The following MTFR1 variants were observed in gnomAD, a reference collection of about 807,000 sequenced individuals.
The protein encoded by MTFR1 is chondrocyte protein with a poly-proline region.
MTFR1 carries 28 observed loss-of-function variants against 38.8 expected under a neutral mutation model. The ratio of observed to expected loss-of-function variants is 0.72; its 90% CI spans 0.53 to 0.99. MTFR1 has a LOEUF of 0.99. MTFR1 is among the 50% of genes least tolerant of loss of function. MTFR1 has a pLI of 0.00. For missense variants in MTFR1, 358 were observed against 395.5 expected, an observed-to-expected ratio of 0.91 and a Z score of 0.81; for synonymous variants, 145 against 137.0, an observed-to-expected ratio of 1.06 and a Z score of -0.41.
chr8:65,723,532 T>C lies in MTFR1; in HGVS notation c.*48+4051T>C, dbSNP rs183802335. On this transcript the variant is annotated intron_variant, in intron 3 of 3. Coordinates refer to the MTFR1 transcript ENST00000521247. ...TTCTAACCAGCTATATCTAAATATGTATAGTTACCAATCTGGATGTTGGCA... is the reference window on the plus strand; with the variant it reads ...TTCTAACCAGCTATATCTAAATATGCATAGTTACCAATCTGGATGTTGGCA... 2.2e-5 allele frequency: 34 copies of C among 1,548,864 alleles called. No individual in the cohort carries two copies. The African/African-American group carries it at 4.3e-4, about 19-fold the overall frequency.
intron 4 of MTFR1, among the ~76,000 whole-genome samples, chr8:65,703,651 T>C (rs996139791): frequency 8.6e-5 from 13 of 152,004 alleles, no homozygotes; most frequent in African/African-American, 3.1e-4. Flanking sequence ...CCCAGGCTGG[T>C]CTTTAACTCC....
chr8:65,737,134 T>A (rs1433192267), intron 3 of MTFR1, among the ~76,000 whole-genome samples: 1 of 151,974 alleles, frequency 6.6e-6, no homozygotes. Context: ...TAAAAACACC[T>A]GAGTTATTAT....
chr8:65,689,246 A>T (rs890437478), intron 3 of MTFR1, among the ~76,000 whole-genome samples: 1 of 152,214 alleles, frequency 6.6e-6, no homozygotes, highest in Non-Finnish European at 1.5e-5. Context: ...CTTTGCAGAG[A>T]ATCCTAGTTC....
intron 7 of MTFR1, chr8:65,708,310 G>A (rs1401769103): frequency 2.2e-6 from 1 of 450,384 alleles, no homozygotes; most frequent in African/African-American, 2.0e-5. Flanking sequence ...TCACTACTAA[G>A]TAATCTCCAA....
At chr8:65,771,884 CAA>C (rs36101490), downstream of MTFR1, among the ~76,000 whole-genome samples, 4 of 55,832 alleles carry the variant, frequency 7.2e-5, no homozygotes, top group Non-Finnish European at 1.1e-4. Context: ...CTCCATCTCT[CAA>C]AAAAAAAAAA....
chr8:65,693,864 T>C (rs1805355736), intron 4 of MTFR1, 105 bp downstream of exon 4: 7 of 796,702 alleles, frequency 8.8e-6, no homozygotes, highest in Non-Finnish European at 1.5e-5. Flanking sequence ...TCTCTAGTAA[T>C]GCACCCTCTT....
At chr8:65,649,500 T>C (rs757831663) in intron 1 of MTFR1, among the ~76,000 whole-genome samples, 38 of 152,036 alleles carry the variant, frequency 2.5e-4, no homozygotes, top group Non-Finnish European at 4.3e-4. Context: ...ATCTTTATTT[T>C]TATTTTTGTG....
At chr8:65,770,798 A>C (rs1809045572) in intron 3 of MTFR1, 1 of 156,494 alleles carries the variant, frequency 6.4e-6, no homozygotes, top group African/African-American at 2.4e-5. Context: ...TAACAATTTG[A>C]ACTTCTTCCA....
intron 3 of MTFR1, chr8:65,734,719 CAGG>C (rs1278175808): frequency 8.5e-6 from 7 of 821,584 alleles, no homozygotes; most frequent in Non-Finnish European, 1.5e-5. Context: ...GCAGTAACTT[CAGG>C]AGAAGTATGT....
At chr8:65,762,067 T>C (rs1808525457) in intron 3 of MTFR1, among the ~76,000 whole-genome samples, 1 of 152,312 alleles carries the variant, frequency 6.6e-6, no homozygotes, top group Admixed American at 6.5e-5. Context: ...TTAACAATCA[T>C]GAAGATACTA....
chr8:65,690,837 C>T (rs60448269), intron 3 of MTFR1, among the ~76,000 whole-genome samples: 4 of 152,292 alleles, frequency 2.6e-5, no homozygotes, highest in African/African-American at 9.6e-5. Flanking sequence ...TTATACAAAA[C>T]AGCCCATTAA....
chr8:65,667,902 C>G (rs1013484823), intron 1 of MTFR1, among the ~76,000 whole-genome samples: 1 of 152,154 alleles, frequency 6.6e-6, no homozygotes, highest in African/African-American at 2.4e-5. Flanking sequence ...CTGTTTTCCC[C>G]CACTGCTGTT....
At chr8:65,660,742 T>C (rs551635360) in intron 1 of MTFR1, among the ~76,000 whole-genome samples, 21 of 152,312 alleles carry the variant, frequency 1.4e-4, no homozygotes, top group African/African-American at 4.6e-4. Flanking sequence ...AAATACACTG[T>C]TTAAGAAAGG....
downstream of MTFR1, among the ~76,000 whole-genome samples, chr8:65,771,827 A>G (rs1212609250): frequency 7.2e-6 from 1 of 139,480 alleles, no homozygotes; most frequent in Non-Finnish European, 1.5e-5. Flanking sequence ...GTGAGCCACG[A>G]TTGAGCCACT....
intron 3 of MTFR1, among the ~76,000 whole-genome samples, chr8:65,761,394 G>C (rs1808487885): frequency 6.6e-6 from 1 of 152,096 alleles, no homozygotes; most frequent in Non-Finnish European, 1.5e-5. Context: ...AGCTCACTGT[G>C]ACATGAGACA....
In MTFR1 at chr8:65,709,895, T is replaced by G. The variant is rs1277280219; in HGVS notation, c.*851T>G. On this transcript the variant is annotated 3_prime_UTR_variant, in exon 8 of 8. Coordinates refer to ENST00000262146, the MANE Select transcript of MTFR1 (RefSeq NM_014637.4). ...TTGCTAAGTTAATAGAGTTAAAAATTTTTTTAATATAAGCCAAAATATTAA... is the reference window on the plus strand; with the variant it reads ...TTGCTAAGTTAATAGAGTTAAAAATGTTTTTAATATAAGCCAAAATATTAA... 1 of 152,646 alleles carries G rather than the reference T, an allele frequency of 6.6e-6. No homozygotes were observed. The highest frequency in any genetic ancestry group is 1.5e-5 in the Non-Finnish European group (1 of 68,044). 9.5% of individuals were successfully genotyped at this position (152,646 alleles called of 1,614,324 possible).
At chr8:65,686,723 G>C (rs1805091952) in intron 3 of MTFR1, among the ~76,000 whole-genome samples, 2 of 151,804 alleles carry the variant, frequency 1.3e-5, no homozygotes, top group African/African-American at 4.8e-5. Context: ...AGGAATTTGC[G>C]ACCAGCTCGG....
chr8:65,776,790 A>G, the MTFR1 span, among the ~76,000 whole-genome samples: 1 of 152,188 alleles, frequency 6.6e-6, no homozygotes, highest in Non-Finnish European at 1.5e-5. Context: ...TAAGTACATA[A>G]CTATGTCATC....
At chr8:65,663,530 A>T (rs1277882306) in intron 1 of MTFR1, among the ~76,000 whole-genome samples, 44 of 61,942 alleles carry the variant, frequency 7.1e-4, no homozygotes, top group Non-Finnish European at 9.7e-4. Flanking sequence ...TGATCAATTT[A>T]AAAAAAAAAA....
Sources: allele counts gnomAD v4.1 joint callset (sites outside exome capture counted in the v4.1 genomes callset), GRCh38; gene constraint gnomAD v4.1.1; transcripts MANE v1.5; gene names NCBI Gene and HGNC (gene_info 2026-07-23, HGNC 2026-07-21).